PPP1R14B: variants seen among roughly 807,000 people sequenced by gnomAD.
PPP1R14B encodes protein phosphatase 1 regulatory subunit 14B.
In PPP1R14B, 4 loss-of-function variants were observed where a neutral mutation model predicts 14.7. The ratio of observed to expected loss-of-function variants is 0.27; its 90% confidence interval spans 0.13 to 0.62. PPP1R14B has a LOEUF of 0.62. Ranked by LOEUF, PPP1R14B falls within the 20% of genes least tolerant of loss-of-function variation. PPP1R14B has a pLI of 0.85. For missense variants in PPP1R14B, 138 were observed against 201.5 expected, an observed-to-expected ratio of 0.68 and a Z score of 1.91; for synonymous variants, 76 against 87.3, an observed-to-expected ratio of 0.87 and a Z score of 0.72.
intron 1 of PPP1R14B, chr11:64,245,490 T>G: frequency 1.8e-5 from 8 of 453,612 alleles, no homozygotes; most frequent in African/African-American, 2.0e-5. Flanking sequence ...GGGGGGGAGC[T>G]TCCTGTCCCT....
chr11:64,246,446 C>T lies in PPP1R14B; in HGVS notation c.228G>A (p.Leu76=), dbSNP rs1426902172. 1.2e-6 allele frequency: 2 copies of T among 1,609,432 alleles called. No homozygotes were observed. Among genetic ancestry groups the T allele is most frequent in the Non-Finnish European group, 8.5e-7 (1 of 1,178,808 alleles). ...AGTCGTAGAGGCGCGTGAGCTGCTC[C>T]AGGATCCACTCCTCTAGGTTGAGGC... ...RKRLNLEEWI[L]EQLTRLYDCQ... The change falls in exon 1 of 4, where the codon CTG becomes CTA. Residue 76 remains leucine, a synonymous_variant. Coordinates refer to ENST00000309318, the MANE Select transcript of PPP1R14B (RefSeq NM_138689.3).
In PPP1R14B at chr11:64,246,449, G is replaced by A. The variant is rs140868541; in HGVS notation, c.225C>T (p.Ile75=). 1.5e-4 allele frequency: 244 copies of A among 1,609,558 alleles called. 2 individuals carry two copies. The Admixed American group carries it at 3.1e-3, about 21-fold the overall frequency. The change falls in exon 1 of 4, where the codon ATC becomes ATT. Residue 75 remains isoleucine, a synonymous_variant. Coordinates refer to ENST00000309318, the MANE Select transcript of PPP1R14B (RefSeq NM_138689.3). ...LRKRLNLEEW[I]LEQLTRLYDC... ...CGTAGAGGCGCGTGAGCTGCTCCAG[G>A]ATCCACTCCTCTAGGTTGAGGCGCT...
At position 64,245,301 on chromosome 11, in the gene PPP1R14B, G is replaced by C. The variant is rs1477609708; in HGVS notation, c.259-14C>G. 7 of 1,575,554 alleles carry C rather than the reference G, an allele frequency of 4.4e-6. No individual in the cohort carries two copies. In the African/African-American group the frequency reaches 6.8e-5, roughly 15 times the overall value. ...GATCTCCTCTTCCTGGGGTGGGGGT[G>C]GGGGAGGAGGGAGAGACATAAGCCT... On this transcript the variant is annotated splice_polypyrimidine_tract_variant and intron_variant, in intron 1 of 3. Transcript: ENST00000309318.
At chr11:64,246,359 G>C (rs1448179644) in intron 1 of PPP1R14B, 57 bp downstream of exon 1, 2 of 1,554,112 alleles carry the variant, frequency 1.3e-6, no homozygotes, top group Admixed American at 3.9e-5. Context: ...CAGTGGAGCT[G>C]CCAGGCGGAC....
Position 64,244,965 on chromosome 11 carries a change from A to G in PPP1R14B, c.343-3T>C. ...TTGTAACAGTCAACCAGCAGCTCCT[A>G]GCAGAGGATGGGGGAGGAAGGATAA... On this transcript the variant is annotated splice_region_variant and splice_polypyrimidine_tract_variant and intron_variant, in intron 2 of 3. Transcript: ENST00000309318. 1.9e-6 allele frequency: 3 copies of G among 1,611,084 alleles called. No homozygotes were observed. Among genetic ancestry groups the G allele is most frequent in the Non-Finnish European group, 1.7e-6 (2 of 1,178,056 alleles).
chr11:64,245,713 G>A (rs910794959), intron 1 of PPP1R14B: 6 of 178,566 alleles, frequency 3.4e-5, no homozygotes, highest in Non-Finnish European at 5.9e-5. Flanking sequence ...AAGGCTGAGG[G>A]GTCACTGGGA....
At chr11:64,245,012 C>G in intron 2 of PPP1R14B, 50 bp from the exon 3 acceptor site, 1 of 1,561,832 alleles carries the variant, frequency 6.4e-7, no homozygotes, top group Non-Finnish European at 8.7e-7. Context: ...GGAGTGGGGG[C>G]CTGGAGCTCG....
chr11:64,244,583 C>G lies in PPP1R14B; in HGVS notation c.*171G>C, dbSNP rs2030791915. 3 of 1,403,012 alleles carry G rather than the reference C, an allele frequency of 2.1e-6. No individual in the cohort carries two copies. Among genetic ancestry groups the G allele is most frequent in the African/African-American group, 2.9e-5 (2 of 68,806 alleles). 86.9% of individuals were successfully genotyped at this position (1,403,012 alleles called of 1,614,324 possible). On this transcript the variant is annotated 3_prime_UTR_variant, in exon 4 of 4. Transcript: ENST00000309318. The stretch of plus-strand genomic sequence containing the variant: ...TCAGTTTAATAACAATAAAAAACCC[C>G]AAAAGTGGAAAACTGAGGGGGCAGG...
At chr11:64,246,246 T>C in intron 1 of PPP1R14B, 170 bp downstream of exon 1, 2 of 888,456 alleles carry the variant, frequency 2.3e-6, no homozygotes, top group Non-Finnish European at 3.4e-6. Flanking sequence ...AGAAGTGACT[T>C]AGGTCAGGCA....
At chr11:64,246,291 G>T in intron 1 of PPP1R14B, 125 bp downstream of exon 1, 1 of 1,327,792 alleles carries the variant, frequency 7.5e-7, no homozygotes. Flanking sequence ...GAGTGCAGAG[G>T]GGAGGGGAGC....
At chr11:64,246,236 A>T in intron 1 of PPP1R14B, 180 bp downstream of exon 1, 1 of 811,606 alleles carries the variant, frequency 1.2e-6, no homozygotes, top group Non-Finnish European at 1.9e-6. Flanking sequence ...CGGAGAAGGC[A>T]GAAGTGACTT....
intron 1 of PPP1R14B, chr11:64,245,494 T>G: frequency 1.2e-4 from 51 of 428,450 alleles, no homozygotes; most frequent in Middle Eastern, 6.1e-4. Context: ...GGGAGCTTCC[T>G]GTCCCTGCCA....
chr11:64,245,341 G>A (rs1218961651), intron 1 of PPP1R14B, 54 bp from the exon 2 acceptor site: 1 of 1,495,834 alleles, frequency 6.7e-7, no homozygotes, highest in Non-Finnish European at 9.2e-7. Flanking sequence ...TGGAGAGAGG[G>A]TGTGAGAGGG....
In PPP1R14B at chr11:64,244,533, C is replaced by T. The variant is rs2030789469; in HGVS notation, c.*221G>A. 7.7e-7 allele frequency: 1 copy of T among 1,293,862 alleles called. No individual in the cohort carries two copies. Among genetic ancestry groups the T allele is most frequent in the African/African-American group, 1.5e-5 (1 of 66,440 alleles). The allele number at this position is 1,293,862 out of a possible 1,614,324, so 80.1% of individuals were successfully genotyped here. On this transcript the variant is annotated 3_prime_UTR_variant, in exon 4 of 4. Coordinates refer to ENST00000309318, the MANE Select transcript of PPP1R14B (RefSeq NM_138689.3). Reference sequence around the variant, plus strand: ...TATTAAAGGGCCCGCGCCGCAGAGTCAATATAAAAACACAAAAAGTCCCAT... The same window carrying T: ...TATTAAAGGGCCCGCGCCGCAGAGTTAATATAAAAACACAAAAAGTCCCAT...
At chr11:64,245,692 A>G (rs2030851884) in intron 1 of PPP1R14B, 1 of 186,924 alleles carries the variant, frequency 5.3e-6, no homozygotes, top group Admixed American at 5.7e-5. Flanking sequence ...CCCGGGAGTG[A>G]GGAGGAAGTG....
At chr11:64,245,528 A>T in intron 1 of PPP1R14B, 1 of 505,292 alleles carries the variant, frequency 2.0e-6, no homozygotes, top group Non-Finnish European at 3.5e-6. Flanking sequence ...GTGACAGACA[A>T]GGCCAGACAG....
rs1591091474 is a variant in PPP1R14B at position 64,246,648 on chromosome 11, C to T, written c.26G>A (p.Gly9Asp). 22 of 1,241,328 alleles carry T rather than the reference C, an allele frequency of 1.8e-5. No homozygotes were observed. The highest frequency in any genetic ancestry group is 2.1e-5 in the Non-Finnish European group (21 of 987,466). 76.9% of individuals were successfully genotyped at this position (1,241,328 alleles called of 1,614,324 possible). A position where few individuals can be genotyped will look rare whatever the true frequency, so the allele number is the denominator to read the frequency against. MADSGTAGGAALAAPAPGP... is the reference protein window; with the variant it reads MADSGTAGDAALAAPAPGP... ...GGGGGCCGGGGCCGCCAACGCCGCGCCCCCCGCGGTGCCGCTGTCCGCCAT... is the reference window on the plus strand; with the variant it reads ...GGGGGCCGGGGCCGCCAACGCCGCGTCCCCCGCGGTGCCGCTGTCCGCCAT... Residue 9 changes from glycine to aspartate, a missense_variant, in exon 1 of 4, where the codon GGC becomes GAC. Gly to Asp is a moderately conservative substitution (Grantham distance 94). Transcript: ENST00000309318.
At position 64,246,457 on chromosome 11, in the gene PPP1R14B, C is replaced by T; in HGVS notation, c.217G>A (p.Glu73Lys). The change falls in exon 1 of 4, where the codon GAG (glutamate) becomes AAG (lysine). Residue 73 changes from glutamate to lysine, a missense_variant. Physicochemically the swap from Glu to Lys is moderately conservative, Grantham distance 56. This residue lies in a region of PPP1R14B where 84 missense variants were observed against 137.5 expected (regional missense o/e 0.61). Transcript: ENST00000309318. ...KELRKRLNLE[E>K]WILEQLTRLY... is the part of the protein sequence containing the mutation. Reference sequence around the variant, plus strand: ...CGCGTGAGCTGCTCCAGGATCCACTCCTCTAGGTTGAGGCGCTTCCGTAGC... The same window carrying T: ...CGCGTGAGCTGCTCCAGGATCCACTTCTCTAGGTTGAGGCGCTTCCGTAGC... 1.2e-6 allele frequency: 2 copies of T among 1,609,840 alleles called. No individual in the cohort carries two copies. Among genetic ancestry groups the T allele is most frequent in the Non-Finnish European group, 1.7e-6 (2 of 1,179,008 alleles).
intron 3 of PPP1R14B, 34 bp from the exon 4 acceptor site, chr11:64,244,856 C>G: frequency 6.2e-7 from 1 of 1,613,626 alleles, no homozygotes; most frequent in African/African-American, 1.3e-5. Flanking sequence ...ATTAAGGAGA[C>G]CAGACCCCAA....
Sources: gnomAD v4.1 joint callset for allele counts on GRCh38, gnomAD v4.1.1 for gene constraint, gnomAD v4.1.1 regional missense constraint, MANE v1.5 for transcripts, NCBI Gene and HGNC (gene_info 2026-07-23, HGNC 2026-07-21) for gene names.